Variants in MCTP2 observed in about 807,000 individuals in gnomAD.
MCTP2 encodes the protein multiple C2 and transmembrane domain containing 2, also known as multiple C2 and transmembrane domain-containing protein 2.
A neutral mutation model predicts 111.6 loss-of-function variants in MCTP2; 132 were observed. That is an observed-to-expected ratio of 1.18 (90% confidence interval 1.03 to 1.37). The LOEUF is 1.37. MCTP2 is among the 40% of genes most tolerant of loss of function. The pLI, the probability that MCTP2 is intolerant of heterozygous loss-of-function variation, is 0.00. For missense variants in MCTP2, 1,183 were observed against 1,067.9 expected, an observed-to-expected ratio of 1.11 and a Z score of -1.50; for synonymous variants, 395 against 387.7, an observed-to-expected ratio of 1.02 and a Z score of -0.22.
At chr15:94,286,768 A>C (rs566854573) in intron 1 of MCTP2, among the ~76,000 whole-genome samples, 2 of 152,328 alleles carry the variant, frequency 1.3e-5, no homozygotes, top group African/African-American at 4.8e-5. Context: ...TGTCTGGCTT[A>C]AAACCATAAT....
At chr15:94,413,384 T>A (rs2082239199) in intron 17 of MCTP2, among the ~76,000 whole-genome samples, 1 of 152,196 alleles carries the variant, frequency 6.6e-6, no homozygotes, top group Non-Finnish European at 1.5e-5. Flanking sequence ...AAGATCCAGA[T>A]TACTGCCCAG....
chr15:94,358,942 T>C (rs2078774956), intron 10 of MCTP2, among the ~76,000 whole-genome samples: 1 of 152,194 alleles, frequency 6.6e-6, no homozygotes, highest in South Asian at 2.1e-4. Context: ...TAGCGAAATG[T>C]TATATAATTT....
intron 22 of MCTP2, 65 bp from the exon 23 acceptor site, chr15:94,478,901 T>G: frequency 6.9e-7 from 1 of 1,447,934 alleles, no homozygotes. Flanking sequence ...TGGGGAGCCA[T>G]TAGCACACAC....
intron 1 of MCTP2, among the ~76,000 whole-genome samples, chr15:94,289,455 C>T (rs954289917): frequency 6.6e-6 from 1 of 151,586 alleles, no homozygotes; most frequent in African/African-American, 2.4e-5. Flanking sequence ...AGACCTGACA[C>T]AAAATAACAA....
At chr15:94,455,069 G>A (rs1209375278) in intron 19 of MCTP2, among the ~76,000 whole-genome samples, 12 of 152,310 alleles carry the variant, frequency 7.9e-5, no homozygotes, top group South Asian at 2.1e-4. Flanking sequence ...TGATCTGCCC[G>A]CCATGGCCTC....
chr15:94,335,292 A>G (rs12912961), intron 4 of MCTP2, among the ~76,000 whole-genome samples: 66,954 of 151,618 alleles, frequency 0.44, 14,992 homozygotes, highest in Admixed American at 0.52. Context: ...GTGTAAAAAA[A>G]GAAAAGAATA....
At chr15:94,288,893 C>CT (rs2074898679) in intron 1 of MCTP2, among the ~76,000 whole-genome samples, 1 of 152,140 alleles carries the variant, frequency 6.6e-6, no homozygotes, top group African/African-American at 2.4e-5. Flanking sequence ...ACAAACCTCA[C>CT]TATATGGATT....
chr15:94,402,216 C>T, intron 17 of MCTP2, 197 bp downstream of exon 17: 2 of 895,190 alleles, frequency 2.2e-6, no homozygotes, highest in Non-Finnish European at 2.7e-6. Context: ...AAGAGCACTA[C>T]TGTTGTATAT....
At chr15:94,467,444 G>T (rs991785947) in intron 20 of MCTP2, among the ~76,000 whole-genome samples, 34 of 77,896 alleles carry the variant, frequency 4.4e-4, no homozygotes, top group Non-Finnish European at 3.8e-4. Flanking sequence ...ATGACCAATG[G>T]AATATAAAGT....
In MCTP2 at chr15:94,358,569, G is replaced by A. The variant is rs775907235; in HGVS notation, c.1258G>A (p.Val420Met). The A allele has an allele frequency of 1.9e-6, 3 of 1,613,744 alleles. No homozygotes were observed. The highest frequency in any genetic ancestry group is 2.5e-6 in the Non-Finnish European group (3 of 1,179,822). The change falls in exon 10 of 23, where the codon GTG becomes ATG. Residue 420 changes from valine to methionine, a missense_variant. Coordinates refer to ENST00000357742, the MANE Select transcript of MCTP2 (RefSeq NM_001385001.1). ...CAGGATGGGCATTTTGGACATTGAA[G>A]TGTGGGGAAAGGACAACAAAAAGCA... ...SDRMGILDIE[V>M]WGKDNKKHEE...
intron 17 of MCTP2, chr15:94,403,370 C>T (rs182735397): frequency 1.8e-3 from 691 of 387,656 alleles, no homozygotes; most frequent in Non-Finnish European, 2.3e-3. Context: ...AGCTCCACTT[C>T]CCACCCGAAT....
intron 8 of MCTP2, among the ~76,000 whole-genome samples, chr15:94,345,877 C>T (rs971944662): frequency 6.6e-5 from 10 of 151,724 alleles, no homozygotes; most frequent in African/African-American, 1.9e-4. Context: ...ATAATTCCTA[C>T]GAAATGATGC....
chr15:94,397,379 G>C (rs1290457586), intron 14 of MCTP2, among the ~76,000 whole-genome samples: 1 of 152,178 alleles, frequency 6.6e-6, no homozygotes, highest in East Asian at 1.9e-4. Flanking sequence ...GAAATTTTAA[G>C]ATAACAGTAC....
intron 2 of MCTP2, among the ~76,000 whole-genome samples, chr15:94,312,496 A>G (rs892628327): frequency 6.6e-6 from 1 of 152,198 alleles, no homozygotes; most frequent in Non-Finnish European, 1.5e-5. Flanking sequence ...CTGCCTAGGC[A>G]GTGGTGGTAC....
At chr15:94,313,573 T>C (rs1439165700) in intron 2 of MCTP2, among the ~76,000 whole-genome samples, 1 of 151,934 alleles carries the variant, frequency 6.6e-6, no homozygotes, top group Non-Finnish European at 1.5e-5. Flanking sequence ...TTGTTACAGG[T>C]GCCTGTAATC....
rs1241195857 is a variant in MCTP2 at position 94,481,081 on chromosome 15, G to C, written c.*2047G>C. ...ACAATTGTCAAAAACTTTTAGGAAAGATTCCAGAATGCTTTTGATAAAATT... is the reference window on the plus strand; with the variant it reads ...ACAATTGTCAAAAACTTTTAGGAAACATTCCAGAATGCTTTTGATAAAATT... On this transcript the variant is annotated 3_prime_UTR_variant, in exon 23 of 23. Coordinates refer to ENST00000357742, the MANE Select transcript of MCTP2 (RefSeq NM_001385001.1). 1 of 152,202 alleles carries C rather than the reference G, an allele frequency of 6.6e-6. No homozygotes were observed. The allele number at this position is 152,202 out of a possible 1,614,324, so 9.4% of individuals were successfully genotyped here. A position where few individuals can be genotyped will look rare whatever the true frequency, so the allele number is the denominator to read the frequency against.
At position 94,384,142 on chromosome 15, in the gene MCTP2, T is replaced by C. The variant is rs1392663432; in HGVS notation, c.1685+18T>C. ...TTTACATTGTAAGTGCTTTAGCCTC[T>C]GGAATTATTTCTGCTGTGCTTGGAA... On this transcript the variant is annotated intron_variant, in intron 13 of 22. Coordinates refer to ENST00000357742, the MANE Select transcript of MCTP2 (RefSeq NM_001385001.1). The C allele has an allele frequency of 5.8e-6, 9 of 1,561,622 alleles. No individual in the cohort carries two copies. In the African/African-American group the frequency reaches 1.1e-4, roughly 19 times the overall value.
chr15:94,464,863 GA>G (rs1330175723), intron 20 of MCTP2, among the ~76,000 whole-genome samples: 1 of 152,014 alleles, frequency 6.6e-6, no homozygotes, highest in African/African-American at 2.4e-5. Context: ...TTTATGGTTA[GA>G]AAATATTGAT....
intron 20 of MCTP2, among the ~76,000 whole-genome samples, chr15:94,464,266 T>TATATATATAATATATATATATATA (rs2085447755): frequency 1.3e-5 from 1 of 75,834 alleles, no homozygotes; most frequent in African/African-American, 4.9e-5. Flanking sequence ...ATTATATATA[T>TATATATATAATATATATATATATA]ATATATATAT....
Sources: gnomAD v4.1 joint callset for allele counts (sites outside exome capture counted in the v4.1 genomes callset) on GRCh38, gnomAD v4.1.1 for gene constraint, MANE v1.5 for transcripts, NCBI Gene and HGNC (gene_info 2026-07-23, HGNC 2026-07-21) for gene names.